The following MAGI1 variants were observed in gnomAD, a reference collection of about 807,000 sequenced individuals.
MAGI1 encodes the protein membrane associated guanylate kinase, WW and PDZ domain containing 1, also known as membrane-associated guanylate kinase, WW and PDZ domain-containing protein 1.
MAGI1 carries 58 observed loss-of-function variants against 139.9 expected under a neutral mutation model. That is an observed-to-expected ratio of 0.41 (90% CI 0.34 to 0.52). MAGI1 has a LOEUF of 0.52. Among genes scored for constraint, MAGI1 ranks in the 20% least tolerant of loss-of-function variants. The probability of loss-of-function intolerance (pLI) is 0.12; values close to 1 mark genes in which losing one functional copy is unlikely to be tolerated. For missense variants in MAGI1, 1,874 were observed against 1,901.6 expected, an observed-to-expected ratio of 0.99 and a Z score of 0.27; for synonymous variants, 812 against 737.9, an observed-to-expected ratio of 1.10 and a Z score of -1.63.
chr3:65,704,705 G>C (rs1332879219), intron 1 of MAGI1, among the ~76,000 whole-genome samples: 2 of 151,744 alleles, frequency 1.3e-5, no homozygotes, highest in African/African-American at 2.4e-5. Context: ...CTGAAAATTT[G>C]TGTGCATTCA....
At chr3:65,532,982 A>G (rs2078787893) in intron 2 of MAGI1, 1 of 152,206 alleles carries the variant, frequency 6.6e-6, no homozygotes, top group Admixed American at 6.5e-5. Flanking sequence ...TCTTGTTTGC[A>G]GCATGTGATA....
At chr3:65,530,769 A>ACACG (rs2107844393) in intron 2 of MAGI1, among the ~76,000 whole-genome samples, 1 of 6,604 alleles carries the variant, frequency 1.5e-4, no homozygotes, top group African/African-American at 4.3e-4. Flanking sequence ...ATATATATAT[A>ACACG]TATACACACA....
chr3:65,918,003 G>A lies in MAGI1; in HGVS notation c.313+119993C>T, dbSNP rs111373651. Among the ~76,000 whole-genome samples the A allele has an allele frequency of 5.0e-3, 765 of 152,286 alleles. 1 individual carries two copies. The highest frequency in any genetic ancestry group is 7.7e-3 in the Non-Finnish European group (527 of 68,022). On this transcript the variant is annotated intron_variant, in intron 1 of 22. Transcript: ENST00000402939. ...CCTTGGTGGGGGACGTTGATAATGG[G>A]GGAGGCTGTGCACAGGCTGGAAGCA...
At chr3:66,022,391 T>C (rs567941736) in intron 1 of MAGI1, among the ~76,000 whole-genome samples, 12 of 152,316 alleles carry the variant, frequency 7.9e-5, no homozygotes, top group African/African-American at 2.9e-4. Flanking sequence ...TTTTCTCTTA[T>C]AAATAATGAC....
intron 1 of MAGI1, among the ~76,000 whole-genome samples, chr3:65,733,653 G>C (rs1672253154): frequency 6.6e-6 from 1 of 152,196 alleles, no homozygotes; most frequent in Non-Finnish European, 1.5e-5. Flanking sequence ...GTAATTTGAA[G>C]ACCGTTTAAA....
chr3:65,407,903 G>A (rs1945484824), intron 12 of MAGI1, among the ~76,000 whole-genome samples: 1 of 152,112 alleles, frequency 6.6e-6, no homozygotes, highest in African/African-American at 2.4e-5. Flanking sequence ...AAAAACAACT[G>A]GAGTTTGTTC....
At chr3:65,530,017 C>T (rs2078568629) in intron 2 of MAGI1, among the ~76,000 whole-genome samples, 1 of 151,960 alleles carries the variant, frequency 6.6e-6, no homozygotes, top group Admixed American at 6.6e-5. Flanking sequence ...TTACATATTA[C>T]CCATATATGT....
chr3:65,515,719 A>T (rs1390156891), intron 2 of MAGI1, among the ~76,000 whole-genome samples: 1 of 152,228 alleles, frequency 6.6e-6, no homozygotes, highest in East Asian at 1.9e-4. Flanking sequence ...GAATTCTGGG[A>T]ATCTTCAGCC....
At chr3:65,587,397 C>T (rs957325263) in intron 2 of MAGI1, among the ~76,000 whole-genome samples, 1 of 151,680 alleles carries the variant, frequency 6.6e-6, no homozygotes, top group Non-Finnish European at 1.5e-5. Flanking sequence ...AAAAACAGAA[C>T]AGTTGTGTGG....
intron 1 of MAGI1, among the ~76,000 whole-genome samples, chr3:65,632,849 T>C (rs1296086496): frequency 6.6e-6 from 1 of 152,194 alleles, no homozygotes; most frequent in Non-Finnish European, 1.5e-5. Context: ...TCTCCTTAAG[T>C]AATTGTTGGG....
At chr3:65,417,517 C>CT (rs11435185) in intron 12 of MAGI1, among the ~76,000 whole-genome samples, 78,970 of 147,502 alleles carry the variant, frequency 0.54, 22,062 homozygotes, top group Non-Finnish European at 0.65. Context: ...TATATGGTTT[C>CT]TTTTTTTTTT....
intron 1 of MAGI1, among the ~76,000 whole-genome samples, chr3:65,660,281 A>G (rs147139638): frequency 3.3e-5 from 5 of 152,374 alleles, no homozygotes; most frequent in South Asian, 2.1e-4. Context: ...GAAGGTGAAC[A>G]TGGTAAACGG....
chr3:65,409,633 A>ATT (rs34549703), intron 12 of MAGI1, among the ~76,000 whole-genome samples: 5,674 of 150,340 alleles, frequency 0.038, 141 homozygotes, highest in South Asian at 0.063. Context: ...AACATGTTTC[A>ATT]TTTTTTTTTT....
chr3:65,809,771 C>G (rs1011472216), intron 1 of MAGI1, among the ~76,000 whole-genome samples: 1 of 152,198 alleles, frequency 6.6e-6, no homozygotes, highest in African/African-American at 2.4e-5. Flanking sequence ...AAAACAGATA[C>G]ACTGGACATT....
At chr3:65,777,588 A>C (rs147046511) in intron 1 of MAGI1, among the ~76,000 whole-genome samples, 251 of 146,824 alleles carry the variant, frequency 1.7e-3, no homozygotes, top group African/African-American at 6.1e-3. Context: ...GCAGTGAGCC[A>C]TGATTGTTGT....
In MAGI1 at chr3:65,514,927, A is replaced by G. The variant is rs1231485245; in HGVS notation, c.431-21296T>C. On this transcript the variant is annotated intron_variant, in intron 2 of 22. Coordinates refer to ENST00000402939, the MANE Select transcript of MAGI1 (RefSeq NM_001033057.2). ...ACCAACCCAAATGTCCAACAATGATAGACTGGATTAAGAAAATGTGGCAAA... is the reference window on the plus strand; with the variant it reads ...ACCAACCCAAATGTCCAACAATGATGGACTGGATTAAGAAAATGTGGCAAA... Among the ~76,000 whole-genome samples, 5 of 150,094 alleles carry G rather than the reference A, an allele frequency of 3.3e-5. No individual in the cohort carries two copies. In the East Asian group the frequency reaches 9.9e-4, roughly 30 times the overall value.
intron 1 of MAGI1, among the ~76,000 whole-genome samples, chr3:65,644,068 G>A (rs138988427): frequency 6.6e-6 from 1 of 152,190 alleles, no homozygotes; most frequent in East Asian, 1.9e-4. Flanking sequence ...TCCTCCCACT[G>A]AATGTCAAAG....
At chr3:65,378,691 T>C (rs1047374730) in intron 17 of MAGI1, among the ~76,000 whole-genome samples, 1 of 151,730 alleles carries the variant, frequency 6.6e-6, no homozygotes, top group Non-Finnish European at 1.5e-5. Context: ...TTCTTTTTTT[T>C]TTTTTTTTAA....
At chr3:65,852,195 A>T (rs2059228485) in intron 1 of MAGI1, among the ~76,000 whole-genome samples, 2 of 152,136 alleles carry the variant, frequency 1.3e-5, no homozygotes, top group African/African-American at 4.8e-5. Flanking sequence ...TATCATAAGG[A>T]AGAAATCCTT....
Sources: gnomAD v4.1 joint callset for allele counts (sites outside exome capture counted in the v4.1 genomes callset) on GRCh38, gnomAD v4.1.1 for gene constraint, MANE v1.5 for transcripts, NCBI Gene and HGNC (gene_info 2026-07-23, HGNC 2026-07-21) for gene names.